Variants in ABCA5 observed in about 807,000 individuals in gnomAD.
ABCA5 encodes cholesterol transporter ABCA5.
In ABCA5, 163 loss-of-function variants were observed where a neutral mutation model predicts 206.0. The ratio of observed to expected loss-of-function variants is 0.79; its 90% CI spans 0.70 to 0.90. ABCA5 has a LOEUF of 0.90. ABCA5 is among the 40% of genes least tolerant of loss of function. ABCA5 has a pLI of 0.00. For synonymous variants in ABCA5, 609 were observed against 613.8 expected (o/e 0.99, Z 0.11); for missense variants, 1,859 against 1,912.9 (o/e 0.97, Z 0.53).
chr17:69,259,901 G>T (rs917325837), intron 27 of ABCA5, 104 bp from the exon 28 acceptor site: 13 of 537,470 alleles, frequency 2.4e-5, no homozygotes, highest in Non-Finnish European at 4.2e-5. Flanking sequence ...CAAGTTCCTT[G>T]CCATTACCAA....
intron 32 of ABCA5, 55 bp from the exon 33 acceptor site, chr17:69,253,924 C>G: frequency 7.1e-7 from 1 of 1,407,102 alleles, no homozygotes; most frequent in Non-Finnish European, 9.9e-7. Flanking sequence ...AACACAAATA[C>G]CAACTGGGTG....
At chr17:69,294,846 C>A in intron 10 of ABCA5, 133 bp from the exon 11 acceptor site, 1 of 556,836 alleles carries the variant, frequency 1.8e-6, no homozygotes. Flanking sequence ...TACTTTCCTA[C>A]TAAAACAATG....
intron 14 of ABCA5, among the ~76,000 whole-genome samples, chr17:69,288,382 T>TA (rs2075484242): frequency 6.6e-6 from 1 of 152,140 alleles, no homozygotes; most frequent in South Asian, 2.1e-4. Context: ...AACAAATACA[T>TA]ACAAAATCAA....
chr17:69,306,407 C>T (rs1334487376), intron 6 of ABCA5, among the ~76,000 whole-genome samples: 1 of 152,010 alleles, frequency 6.6e-6, no homozygotes, highest in East Asian at 1.9e-4. Flanking sequence ...CTGAAATACA[C>T]AGAAATATAC....
At chr17:69,289,481 C>T (rs1598181594) in intron 13 of ABCA5, among the ~76,000 whole-genome samples, 185 bp from the exon 14 acceptor site, 1 of 152,118 alleles carries the variant, frequency 6.6e-6, no homozygotes, top group Non-Finnish European at 1.5e-5. Flanking sequence ...GACATATACT[C>T]ATATATAATT....
At chr17:69,286,954 G>T (rs1350790834) in intron 15 of ABCA5, among the ~76,000 whole-genome samples, 6 of 152,152 alleles carry the variant, frequency 3.9e-5, no homozygotes, top group African/African-American at 1.2e-4. Context: ...CCTTAGAAAG[G>T]CCTGCTTACA....
chr17:69,307,604 G>A (rs1396733369), intron 5 of ABCA5, among the ~76,000 whole-genome samples: 1 of 151,912 alleles, frequency 6.6e-6, no homozygotes, highest in African/African-American at 2.4e-5. Context: ...TTAAATTTCT[G>A]TATTATTGAA....
At chr17:69,304,934 C>G in intron 6 of ABCA5, 124 bp from the exon 7 acceptor site, 1 of 805,098 alleles carries the variant, frequency 1.2e-6, no homozygotes. Flanking sequence ...CTGTTCATTT[C>G]TGTGTATGCT....
intron 7 of ABCA5, among the ~76,000 whole-genome samples, chr17:69,303,381 T>A (rs1217138764): frequency 6.6e-6 from 1 of 151,966 alleles, no homozygotes; most frequent in Non-Finnish European, 1.5e-5. Context: ...CCTCCCAAAG[T>A]GCTGGGATTA....
intron 26 of ABCA5, among the ~76,000 whole-genome samples, 182 bp from the exon 27 acceptor site, chr17:69,260,594 T>A (rs2075136452): frequency 1.3e-5 from 2 of 151,936 alleles, no homozygotes; most frequent in African/African-American, 4.8e-5. Flanking sequence ...AGGATCAGTA[T>A]AAATTAAACA....
chr17:69,253,526 GTTCTA>G (rs769593687), intron 34 of ABCA5, 42 bp downstream of exon 34: 21 of 1,277,262 alleles, frequency 1.6e-5, no homozygotes, highest in East Asian at 1.6e-4. Context: ...AAAAGAAACT[GTTCTA>G]TTCTAAAGTA....
In ABCA5 at chr17:69,260,500, G is replaced by A. The variant is rs971429763; in HGVS notation, c.3565-88C>T. The A allele has an allele frequency of 2.8e-5, 25 of 883,790 alleles. 1 individual carries two copies. The highest frequency in any genetic ancestry group is 2.6e-4 in the Admixed American group (10 of 38,778). 54.7% of individuals were successfully genotyped at this position (883,790 alleles called of 1,614,324 possible). A position where few individuals can be genotyped will look rare whatever the true frequency, so the allele number is the denominator to read the frequency against. Reference sequence around the variant, plus strand: ...AAAAAATGTATTTTGTTTAGCAAACGTGTACTTTCTATAATAAGTTAGCTG... The same window carrying A: ...AAAAAATGTATTTTGTTTAGCAAACATGTACTTTCTATAATAAGTTAGCTG... On this transcript the variant is annotated intron_variant, in intron 26 of 38. Coordinates refer to ENST00000392676, the MANE Select transcript of ABCA5 (RefSeq NM_172232.4).
chr17:69,274,207 C>T (rs2075305736), intron 19 of ABCA5, 79 bp from the exon 20 acceptor site: 3 of 1,336,506 alleles, frequency 2.2e-6, no homozygotes, highest in Non-Finnish European at 3.0e-6. Flanking sequence ...TCTCCCTTCA[C>T]ATTGATATGG....
chr17:69,310,344 T>C (rs572664357), intron 3 of ABCA5, among the ~76,000 whole-genome samples: 1 of 152,236 alleles, frequency 6.6e-6, no homozygotes. Flanking sequence ...TGTCACTACA[T>C]TACCCAAGCT....
chr17:69,255,151 G>A (rs1435117780), intron 31 of ABCA5, among the ~76,000 whole-genome samples: 3 of 152,146 alleles, frequency 2.0e-5, no homozygotes, highest in Non-Finnish European at 2.9e-5. Flanking sequence ...AGCAGGAAAT[G>A]GGATCAGGGT....
chr17:69,271,930 A>G (rs2075277859), intron 20 of ABCA5, among the ~76,000 whole-genome samples: 1 of 152,208 alleles, frequency 6.6e-6, no homozygotes, highest in Admixed American at 6.6e-5. Flanking sequence ...TGGAGCCAAG[A>G]GTAAGATTTT....
At chr17:69,270,873 C>T in intron 21 of ABCA5, 123 bp from the exon 22 acceptor site, 1 of 898,340 alleles carries the variant, frequency 1.1e-6, no homozygotes, top group Non-Finnish European at 1.6e-6. Flanking sequence ...CAACAACTCA[C>T]AGAAATAATA....
chr17:69,306,799 A>C lies in ABCA5; in HGVS notation c.714T>G (p.Ile238Met), dbSNP rs2075721948. Reference protein sequence around the residue: ...AFSPFGYFLAIHIVAEKEKKI... With the variant: ...AFSPFGYFLAMHIVAEKEKKI... Reference sequence around the variant, plus strand: ...TTTTTTCTTTTTCTGCTACGATATGAATTGCCAAAAAGTATCCAAAAGGTG... The same window carrying C: ...TTTTTTCTTTTTCTGCTACGATATGCATTGCCAAAAAGTATCCAAAAGGTG... The change falls in exon 6 of 39, where the codon ATT (isoleucine) becomes ATG (methionine). Residue 238 changes from isoleucine to methionine, a missense_variant. Ile to Met is a conservative substitution (Grantham distance 10, BLOSUM62 1). Transcript: ENST00000392676. 1 of 1,592,022 alleles carries C rather than the reference A, an allele frequency of 6.3e-7. No individual in the cohort carries two copies. The highest frequency in any genetic ancestry group is 1.4e-5 in the African/African-American group (1 of 74,028).
At chr17:69,253,098 G>A (rs984500219) in intron 34 of ABCA5, among the ~76,000 whole-genome samples, 10 of 152,086 alleles carry the variant, frequency 6.6e-5, no homozygotes, top group South Asian at 4.2e-4. Flanking sequence ...TAGTCTAGGT[G>A]TGTAGTAGGC....
Sources: allele counts gnomAD v4.1 joint callset (sites outside exome capture counted in the v4.1 genomes callset), GRCh38; gene constraint gnomAD v4.1.1; transcripts MANE v1.5; gene names NCBI Gene and HGNC (gene_info 2026-07-23, HGNC 2026-07-21).